The following PLEKHA5 variants were observed in gnomAD, a reference collection of about 807,000 sequenced individuals.
PLEKHA5 encodes the protein pleckstrin homology domain containing A5.
A neutral mutation model predicts 181.9 loss-of-function variants in PLEKHA5; 55 were observed. The ratio of observed to expected loss-of-function variants is 0.30; its 90% CI spans 0.24 to 0.38. The LOEUF (loss-of-function observed/expected upper bound fraction) is 0.38, where lower values mean the gene tolerates loss of function less well. Ranked by LOEUF, PLEKHA5 falls within the 10% of genes least tolerant of loss-of-function variation. The pLI is 1.00. For synonymous variants in PLEKHA5, 535 were observed against 529.4 expected (o/e 1.01, Z -0.15); for missense variants, 1,432 against 1,549.5 (o/e 0.92, Z 1.27).
At chr12:19,186,975 C>G (rs2050021956) in intron 3 of PLEKHA5, among the ~76,000 whole-genome samples, 1 of 152,170 alleles carries the variant, frequency 6.6e-6, no homozygotes, top group Non-Finnish European at 1.5e-5. Context: ...TGTCCTATGA[C>G]TCTAACCACC....
At chr12:19,294,396 A>G (rs1475911527) in intron 15 of PLEKHA5, among the ~76,000 whole-genome samples, 1 of 152,164 alleles carries the variant, frequency 6.6e-6, no homozygotes, top group Admixed American at 6.5e-5. Context: ...CCCTGGATTT[A>G]TGAATTGATT....
chr12:19,283,816 T>A, intron 12 of PLEKHA5, 71 bp downstream of exon 12: 1 of 935,634 alleles, frequency 1.1e-6, no homozygotes, highest in South Asian at 1.5e-5. Flanking sequence ...AGTATACTAT[T>A]TTAAATGTGA....
intron 15 of PLEKHA5, among the ~76,000 whole-genome samples, chr12:19,293,129 A>G (rs1037312500): frequency 2.0e-5 from 3 of 152,206 alleles, no homozygotes; most frequent in Non-Finnish European, 4.4e-5. Context: ...TGACTATTTT[A>G]TCAAATAAAG....
Position 19,348,381 on chromosome 12 carries a change from A to G in PLEKHA5, c.2899-18A>G, listed in dbSNP as rs989704853. On this transcript the variant is annotated intron_variant, in intron 24 of 31. Coordinates refer to ENST00000429027, the MANE Select transcript of PLEKHA5 (RefSeq NM_001256470.2). ...CTTTTAGCAGTTTTTTAGGGTAATT[A>G]CATGTCTTCCTTTCAAGGGTCCAGA... 6.4e-7 allele frequency: 1 copy of G among 1,556,706 alleles called. No individual in the cohort carries two copies. The highest frequency in any genetic ancestry group is 8.7e-7 in the Non-Finnish European group (1 of 1,154,824).
At chr12:19,311,657 A>G (rs1376354279) in intron 15 of PLEKHA5, among the ~76,000 whole-genome samples, 1 of 152,156 alleles carries the variant, frequency 6.6e-6, no homozygotes, top group Non-Finnish European at 1.5e-5. Context: ...ATGAGATTGA[A>G]GCAATTCGCT....
chr12:19,314,592 C>T (rs2087839020), intron 15 of PLEKHA5, among the ~76,000 whole-genome samples: 1 of 152,044 alleles, frequency 6.6e-6, no homozygotes, highest in African/African-American at 2.4e-5. Context: ...CTAGTTGTGA[C>T]AGTGTTGCAA....
intron 3 of PLEKHA5, among the ~76,000 whole-genome samples, chr12:19,204,535 G>A (rs967957436): frequency 2.0e-5 from 3 of 152,178 alleles, no homozygotes; most frequent in East Asian, 1.9e-4. Flanking sequence ...CAAACTAGGT[G>A]AATTATGTAT....
At chr12:19,152,760 ATTT>A (rs1011707268) in intron 3 of PLEKHA5, 2 of 148,906 alleles carry the variant, frequency 1.3e-5, no homozygotes, top group Non-Finnish European at 1.5e-5. Context: ...AAATAAGAAC[ATTT>A]TTTTTATGTC....
intron 8 of PLEKHA5, among the ~76,000 whole-genome samples, chr12:19,267,631 G>T (rs1477603804): frequency 1.3e-5 from 2 of 151,592 alleles, no homozygotes; most frequent in Non-Finnish European, 2.9e-5. Flanking sequence ...CTGCACTCCA[G>T]CCTGGGCGAC....
intron 7 of PLEKHA5, among the ~76,000 whole-genome samples, chr12:19,262,100 G>A (rs918656763): frequency 1.3e-5 from 2 of 152,026 alleles, no homozygotes; most frequent in Non-Finnish European, 2.9e-5. Context: ...GTTAGGAGTT[G>A]TATTTCAGGC....
intron 3 of PLEKHA5, among the ~76,000 whole-genome samples, chr12:19,156,465 C>T (rs2041754639): frequency 2.0e-5 from 3 of 151,802 alleles, no homozygotes; most frequent in Admixed American, 1.3e-4. Context: ...CAGTATGCCA[C>T]TTAGACTAAA....
At chr12:19,275,285 CA>C (rs1307712883) in intron 11 of PLEKHA5, among the ~76,000 whole-genome samples, 8 of 152,032 alleles carry the variant, frequency 5.3e-5, no homozygotes, top group Admixed American at 2.0e-4. Flanking sequence ...CCTGTCCTCC[CA>C]ACCCACCCCT....
chr12:19,218,087 T>A (rs2058290113), intron 3 of PLEKHA5, among the ~76,000 whole-genome samples: 1 of 152,154 alleles, frequency 6.6e-6, no homozygotes, highest in Non-Finnish European at 1.5e-5. Context: ...GTCAGATGAT[T>A]TAAGTTATTT....
chr12:19,271,534 T>C lies in PLEKHA5; in HGVS notation c.845+1329T>C, dbSNP rs1441754739. ...AATAAAAATAAAACTTCAATACTTT[T>C]AACTTCAAAGCAAAATTTTTAGGAA... On this transcript the variant is annotated intron_variant, in intron 10 of 31. Transcript: ENST00000429027. Among the ~76,000 whole-genome samples the C allele has an allele frequency of 6.6e-5, 10 of 152,256 alleles. No individual in the cohort carries two copies. In the East Asian group the frequency reaches 1.7e-3, roughly 26 times the overall value.
intron 27 of PLEKHA5, among the ~76,000 whole-genome samples, chr12:19,358,955 A>C (rs2095087289): frequency 6.6e-6 from 1 of 152,272 alleles, no homozygotes; most frequent in South Asian, 2.1e-4. Flanking sequence ...GCCCCTCTTT[A>C]TAAATTCAGA....
intron 20 of PLEKHA5, among the ~76,000 whole-genome samples, chr12:19,331,823 G>A (rs2092870800): frequency 6.6e-6 from 1 of 152,084 alleles, no homozygotes; most frequent in Non-Finnish European, 1.5e-5. Context: ...AGGAGTTCAG[G>A]ACCAGCCTGG....
At chr12:19,258,712 G>A (rs561243062) in intron 6 of PLEKHA5, among the ~76,000 whole-genome samples, 1 of 151,964 alleles carries the variant, frequency 6.6e-6, no homozygotes, top group South Asian at 2.1e-4. Flanking sequence ...TTACTGGCAT[G>A]TGCCACTACC....
At chr12:19,262,470 C>T (rs1238255197) in intron 7 of PLEKHA5, among the ~76,000 whole-genome samples, 4 of 152,148 alleles carry the variant, frequency 2.6e-5, no homozygotes, top group African/African-American at 9.6e-5. Context: ...AACTCCTGAC[C>T]TTAAATGATC....
intron 3 of PLEKHA5, among the ~76,000 whole-genome samples, chr12:19,185,983 G>C (rs1189085043): frequency 6.6e-6 from 1 of 152,004 alleles, no homozygotes; most frequent in East Asian, 1.9e-4. Flanking sequence ...TGAAATATTT[G>C]GATTGCATTT....
Sources: allele counts gnomAD v4.1 joint callset (sites outside exome capture counted in the v4.1 genomes callset), GRCh38; gene constraint gnomAD v4.1.1; transcripts MANE v1.5; gene names NCBI Gene and HGNC (gene_info 2026-07-23, HGNC 2026-07-21).